Variants in TBC1D5 observed in about 807,000 individuals in gnomAD.
TBC1D5 encodes TBC1 domain family member 5.
In TBC1D5, 75 loss-of-function variants were observed where a neutral mutation model predicts 100.3. The ratio of observed to expected loss-of-function variants is 0.75; its 90% CI spans 0.62 to 0.91. The LOEUF (loss-of-function observed/expected upper bound fraction) is 0.91, where lower values mean the gene tolerates loss of function less well. Among genes scored for constraint, TBC1D5 ranks in the 40% least tolerant of loss-of-function variants. TBC1D5 has a pLI of 0.00. For missense variants in TBC1D5, 910 were observed against 942.4 expected, an observed-to-expected ratio of 0.97 and a Z score of 0.45; for synonymous variants, 323 against 325.6, an observed-to-expected ratio of 0.99 and a Z score of 0.09.
At chr3:17,628,838 G>A (rs1265183641) in intron 1 of TBC1D5, among the ~76,000 whole-genome samples, 4 of 152,318 alleles carry the variant, frequency 2.6e-5, no homozygotes, top group African/African-American at 9.6e-5. Context: ...AAGTGGTTAT[G>A]TGTGTTAGAT....
intron 2 of TBC1D5, among the ~76,000 whole-genome samples, chr3:17,534,898 G>A (rs1380667723): frequency 6.6e-6 from 1 of 152,152 alleles, no homozygotes; most frequent in Non-Finnish European, 1.5e-5. Flanking sequence ...ACCCAGGGTG[G>A]TTGTTTTAAT....
At chr3:17,556,759 T>C (rs1000313542) in intron 2 of TBC1D5, among the ~76,000 whole-genome samples, 1 of 152,228 alleles carries the variant, frequency 6.6e-6, no homozygotes, top group African/African-American at 2.4e-5. Context: ...TAAATGATTG[T>C]TATACACTAC....
At chr3:17,704,543 G>T (rs1577642552) in intron 1 of TBC1D5, among the ~76,000 whole-genome samples, 1 of 85,836 alleles carries the variant, frequency 1.2e-5, no homozygotes, top group Non-Finnish European at 2.4e-5. Context: ...GGCTGGCCGG[G>T]CGGGGGGCCG....
At chr3:17,221,096 A>G (rs1047556374) in intron 17 of TBC1D5, among the ~76,000 whole-genome samples, 3 of 151,982 alleles carry the variant, frequency 2.0e-5, no homozygotes, top group Non-Finnish European at 4.4e-5. Context: ...GATAATTCAT[A>G]TCTTCCTTTA....
intron 1 of TBC1D5, among the ~76,000 whole-genome samples, chr3:17,658,886 G>C (rs1028583450): frequency 1.3e-5 from 2 of 152,124 alleles, no homozygotes; most frequent in African/African-American, 4.8e-5. Context: ...CTGGTCTCCT[G>C]ATCTCAGGTG....
At chr3:17,609,216 A>C (rs1226523827) in intron 2 of TBC1D5, among the ~76,000 whole-genome samples, 1 of 152,220 alleles carries the variant, frequency 6.6e-6, no homozygotes, top group Non-Finnish European at 1.5e-5. Context: ...AAGTCTAGCA[A>C]AATATTAGTA....
At chr3:17,602,682 C>T (rs1321366258) in intron 2 of TBC1D5, among the ~76,000 whole-genome samples, 9 of 146,340 alleles carry the variant, frequency 6.2e-5, no homozygotes, top group African/African-American at 2.3e-4. Flanking sequence ...GTGCCATTCT[C>T]CTGTCTCAGC....
rs150120825 is a variant in TBC1D5, at chr3:17,371,578, C to G, written c.995+497G>C. Among the ~76,000 whole-genome samples the G allele has an allele frequency of 1.7e-4, 26 of 152,152 alleles. No individual in the cohort carries two copies. The East Asian group carries it at 5.0e-3, about 29-fold the overall frequency. ...TACCCAATTTACAGGGTTGGTATTA[C>G]AAAGAGTATTAGATGAGATACCATA... On this transcript the variant is annotated intron_variant, in intron 13 of 21. Transcript: ENST00000253692.
chr3:17,162,981 TAAAAG>T (rs1297736757), intron 21 of TBC1D5, among the ~76,000 whole-genome samples: 1 of 152,156 alleles, frequency 6.6e-6, no homozygotes, highest in African/African-American at 2.4e-5. Context: ...AGGTTGAAAA[TAAAAG>T]AGCATGTTTA....
chr3:17,526,783 G>A (rs993637113), intron 2 of TBC1D5, among the ~76,000 whole-genome samples: 3 of 152,182 alleles, frequency 2.0e-5, no homozygotes, highest in African/African-American at 7.2e-5. Flanking sequence ...ACACAGTAAG[G>A]TTAGAATAAA....
chr3:17,353,395 A>G (rs899735115), intron 13 of TBC1D5, among the ~76,000 whole-genome samples: 20 of 152,064 alleles, frequency 1.3e-4, no homozygotes, highest in African/African-American at 4.8e-4. Context: ...GCTTTATAAT[A>G]CACTTTTTAT....
At chr3:17,198,490 C>T (rs2071023705) in intron 18 of TBC1D5, among the ~76,000 whole-genome samples, 1 of 151,718 alleles carries the variant, frequency 6.6e-6, no homozygotes, top group African/African-American at 2.4e-5. Context: ...TAAATATGTC[C>T]CATGTAATAT....
In TBC1D5 at chr3:17,238,012, G is replaced by A. The variant is rs544791453; in HGVS notation, c.1588+151C>T. ...CATAAAATATTCTTAAGACCAACACGGTATCTAGTATTCCAACTTTATATA... is the reference window on the plus strand; with the variant it reads ...CATAAAATATTCTTAAGACCAACACAGTATCTAGTATTCCAACTTTATATA... On this transcript the variant is annotated intron_variant, in intron 17 of 21. Transcript: ENST00000253692. 73 of 1,142,326 alleles carry A rather than the reference G, an allele frequency of 6.4e-5. No homozygotes were observed. The South Asian group carries it at 9.3e-4, about 15-fold the overall frequency. 70.8% of individuals were successfully genotyped at this position (1,142,326 alleles called of 1,614,324 possible). A position where few individuals can be genotyped will look rare whatever the true frequency, so the allele number is the denominator to read the frequency against.
intron 17 of TBC1D5, among the ~76,000 whole-genome samples, chr3:17,222,460 C>A (rs2074393771): frequency 6.6e-6 from 1 of 152,080 alleles, no homozygotes; most frequent in South Asian, 2.1e-4. Flanking sequence ...GACCTAAATT[C>A]TTACATGTCC....
In TBC1D5 at chr3:17,490,739, G is replaced by A. The variant is rs143305714; in HGVS notation, c.97+17735C>T. On this transcript the variant is annotated intron_variant, in intron 3 of 21. Transcript: ENST00000253692. Reference sequence around the variant, plus strand: ...TAGCTTTGTAGTATAGTTTGAAGTCGGGTAGCATGATGCCTCTAGCATTGT... The same window carrying A: ...TAGCTTTGTAGTATAGTTTGAAGTCAGGTAGCATGATGCCTCTAGCATTGT... Among the ~76,000 whole-genome samples, 39 of 152,100 alleles carry A rather than the reference G, an allele frequency of 2.6e-4. 1 individual carries two copies. In the East Asian group the frequency reaches 3.3e-3, roughly 13 times the overall value.
chr3:17,682,366 G>A (rs758379542), intron 1 of TBC1D5, among the ~76,000 whole-genome samples: 8 of 151,238 alleles, frequency 5.3e-5, no homozygotes, highest in South Asian at 2.1e-4. Context: ...CATACCTATC[G>A]TTCTGCTCCC....
intron 18 of TBC1D5, among the ~76,000 whole-genome samples, chr3:17,191,052 C>G (rs1414183441): frequency 6.6e-6 from 1 of 152,074 alleles, no homozygotes; most frequent in Non-Finnish European, 1.5e-5. Flanking sequence ...ATGGTATCAG[C>G]AGAGGAAGAT....
At chr3:17,584,849 G>C (rs137948604) in intron 2 of TBC1D5, among the ~76,000 whole-genome samples, 2,529 of 152,240 alleles carry the variant, frequency 0.017, 53 homozygotes, top group South Asian at 0.048. Flanking sequence ...GTAGAGACAG[G>C]GTTTCGCCAT....
chr3:17,577,336 T>A (rs2153523312), intron 2 of TBC1D5, among the ~76,000 whole-genome samples: 1 of 152,094 alleles, frequency 6.6e-6, no homozygotes, highest in Non-Finnish European at 1.5e-5. Context: ...GACAGTAACA[T>A]TTACTCTGAT....
Sources: gnomAD v4.1 joint callset for allele counts (sites outside exome capture counted in the v4.1 genomes callset) on GRCh38, gnomAD v4.1.1 for gene constraint, MANE v1.5 for transcripts, NCBI Gene and HGNC (gene_info 2026-07-23, HGNC 2026-07-21) for gene names.